TRHDE: variants seen among roughly 807,000 people sequenced by gnomAD.
TRHDE encodes the protein thyrotropin-releasing hormone-degrading ectoenzyme.
In TRHDE, 72 loss-of-function variants were observed where a neutral mutation model predicts 125.7. The ratio of observed to expected loss-of-function variants is 0.57; its 90% CI spans 0.47 to 0.70. The LOEUF (loss-of-function observed/expected upper bound fraction) is 0.70. Among genes scored for constraint, TRHDE ranks in the 30% least tolerant of loss-of-function variants. The probability of loss-of-function intolerance (pLI) is 0.00; values close to 1 mark genes in which losing one functional copy is unlikely to be tolerated. For missense variants in TRHDE, 1,110 were observed against 1,327.1 expected (o/e 0.84, Z 2.54); for synonymous variants, 509 against 509.1 (o/e 1.00, Z 0.00).
chr12:72,473,223 A>G (rs1424690494), intron 5 of TRHDE, 43 bp downstream of exon 5: 2 of 1,468,574 alleles, frequency 1.4e-6, no homozygotes, highest in East Asian at 2.3e-5. Context: ...TAAAAGGCCG[A>G]TCTAGTGTTA....
intron 15 of TRHDE, among the ~76,000 whole-genome samples, chr12:72,630,970 A>G (rs975080416): frequency 6.7e-6 from 1 of 149,848 alleles, no homozygotes; most frequent in Non-Finnish European, 1.5e-5. Flanking sequence ...TTTTCTTTCT[A>G]ATGACTTGAG....
chr12:72,474,743 A>G (rs1876813158), intron 5 of TRHDE, among the ~76,000 whole-genome samples: 1 of 152,080 alleles, frequency 6.6e-6, no homozygotes, highest in African/African-American at 2.4e-5. Context: ...GCAGTTATCT[A>G]CTTGTCTGTT....
At chr12:72,422,859 G>T (rs558522106) in intron 3 of TRHDE, among the ~76,000 whole-genome samples, 1 of 152,204 alleles carries the variant, frequency 6.6e-6, no homozygotes, top group African/African-American at 2.4e-5. Context: ...TGTGGGAGTG[G>T]CTTCTCATCT....
chr12:72,194,734 A>T (rs1877405410), intron 2 of TRHDE, among the ~76,000 whole-genome samples: 1 of 152,144 alleles, frequency 6.6e-6, no homozygotes, highest in Non-Finnish European at 1.5e-5. Context: ...ACTACATAGT[A>T]TTCCATAATG....
At chr12:72,188,810 T>G (rs768061182) in intron 2 of TRHDE, among the ~76,000 whole-genome samples, 1 of 152,262 alleles carries the variant, frequency 6.6e-6, no homozygotes, top group Non-Finnish European at 1.5e-5. Flanking sequence ...GGCTAACCTT[T>G]GCCTTGCATA....
At chr12:72,206,086 ATTT>A (rs34424314) in intron 2 of TRHDE, among the ~76,000 whole-genome samples, 4 of 135,528 alleles carry the variant, frequency 3.0e-5, no homozygotes, top group Admixed American at 7.5e-5. Flanking sequence ...CAAAGGACAG[ATTT>A]TTTTTTTTTT....
chr12:72,579,944 C>T (rs1479663021), intron 12 of TRHDE, among the ~76,000 whole-genome samples: 1 of 151,834 alleles, frequency 6.6e-6, no homozygotes, highest in Non-Finnish European at 1.5e-5. Flanking sequence ...TTCTTTTTTG[C>T]ACCATCATAT....
chr12:72,594,325 T>C (rs1871827459), intron 12 of TRHDE, among the ~76,000 whole-genome samples: 1 of 151,890 alleles, frequency 6.6e-6, no homozygotes, highest in Admixed American at 6.6e-5. Flanking sequence ...TTGAGAAGTG[T>C]CTTCATATCT....
chr12:72,583,319 A>G (rs975208798), intron 12 of TRHDE, among the ~76,000 whole-genome samples: 4 of 152,226 alleles, frequency 2.6e-5, no homozygotes, highest in East Asian at 1.9e-4. Flanking sequence ...TCTAACCGGT[A>G]TAAGTTGTTC....
intron 2 of TRHDE, among the ~76,000 whole-genome samples, chr12:72,361,210 C>T (rs1346224804): frequency 6.6e-6 from 1 of 151,650 alleles, no homozygotes; most frequent in African/African-American, 2.4e-5. Context: ...CCCTTCACAC[C>T]GTTTAGAAGA....
chr12:72,123,163 C>T (rs750049452), intron 2 of TRHDE, among the ~76,000 whole-genome samples: 3 of 152,062 alleles, frequency 2.0e-5, no homozygotes, highest in Non-Finnish European at 4.4e-5. Flanking sequence ...TGTGGTAGTG[C>T]TGTGTACACT....
At chr12:72,320,543 CTGTGTGTGTG>C (rs59244019) in intron 2 of TRHDE, among the ~76,000 whole-genome samples, 53 of 143,170 alleles carry the variant, frequency 3.7e-4, no homozygotes, top group African/African-American at 7.2e-4. Flanking sequence ...AGAGGGTTGA[CTGTGTGTGTG>C]TGTGTGTGTG....
At chr12:72,617,152 G>A (rs1410159900) in intron 12 of TRHDE, among the ~76,000 whole-genome samples, 1 of 151,938 alleles carries the variant, frequency 6.6e-6, no homozygotes, top group Non-Finnish European at 1.5e-5. Flanking sequence ...AGGAAAAGTG[G>A]CACAAATCTA....
intron 2 of TRHDE, among the ~76,000 whole-genome samples, chr12:72,144,990 G>A (rs560274316): frequency 2.0e-5 from 3 of 152,226 alleles, no homozygotes; most frequent in East Asian, 1.9e-4. Flanking sequence ...TCTCTGCCAC[G>A]TCTACTTGGA....
At chr12:72,578,159 A>G (rs915265642) in intron 12 of TRHDE, among the ~76,000 whole-genome samples, 1 of 152,210 alleles carries the variant, frequency 6.6e-6, no homozygotes, top group Non-Finnish European at 1.5e-5. Flanking sequence ...TTAAATACTT[A>G]TGCTCCAGGT....
At chr12:72,378,144 T>C (rs757792812) in intron 3 of TRHDE, 23 bp downstream of exon 3, 1 of 1,564,868 alleles carries the variant, frequency 6.4e-7, no homozygotes, top group Admixed American at 2.0e-5. Flanking sequence ...TTGGTTATTT[T>C]ATTGGAAGGG....
rs140293090 is a variant in TRHDE, at chr12:72,325,272, C to A, written c.1188+38318C>A. The stretch of plus-strand genomic sequence containing the variant: ...ATTTCTTCAGTTTAAATCTGTACCC[C>A]CCAGTTTTATTCTCACATAGCCACC... On this transcript the variant is annotated intron_variant, in intron 2 of 18. Transcript: ENST00000261180. Among the ~76,000 whole-genome samples the A allele has an allele frequency of 6.1e-3, 931 of 151,950 alleles. 14 individuals are homozygous for A. The highest frequency in any genetic ancestry group is 0.021 in the African/African-American group (864 of 41,408).
chr12:72,162,862 C>T (rs1294977626), intron 2 of TRHDE: 3 of 148,298 alleles, frequency 2.0e-5, no homozygotes, highest in African/African-American at 7.5e-5. Context: ...TTGTGATAGA[C>T]AATCATAGGG....
At chr12:72,305,470 T>G (rs1868326653) in intron 2 of TRHDE, among the ~76,000 whole-genome samples, 1 of 152,200 alleles carries the variant, frequency 6.6e-6, no homozygotes, top group Admixed American at 6.5e-5. Flanking sequence ...GCAAGTCAAA[T>G]AATTCATTAC....
Sources: allele counts gnomAD v4.1 joint callset (sites outside exome capture counted in the v4.1 genomes callset), GRCh38; gene constraint gnomAD v4.1.1; transcripts MANE v1.5; gene names NCBI Gene and HGNC (gene_info 2026-07-23, HGNC 2026-07-21).